Variants in AHCTF1 observed in about 807,000 individuals in gnomAD.
AHCTF1 encodes AT-hook containing transcription factor 1.
A neutral mutation model predicts 248.4 loss-of-function variants in AHCTF1; 24 were observed. The ratio of observed to expected loss-of-function variants is 0.10; its 90% CI spans 0.07 to 0.14. The LOEUF (loss-of-function observed/expected upper bound fraction) is 0.14, where lower values mean the gene tolerates loss of function less well. Among genes scored for constraint, AHCTF1 ranks in the 10% least tolerant of loss-of-function variants. The probability of loss-of-function intolerance (pLI) is 1.00; values close to 1 mark genes in which losing one functional copy is unlikely to be tolerated. For missense variants in AHCTF1, 2,206 were observed against 2,636.2 expected (o/e 0.84, Z 3.57); for synonymous variants, 786 against 929.8 (o/e 0.85, Z 2.81).
chr1:246,857,163 G>A (rs1572371157), intron 30 of AHCTF1, among the ~76,000 whole-genome samples: 1 of 152,266 alleles, frequency 6.6e-6, no homozygotes, highest in Non-Finnish European at 1.5e-5. Context: ...TCTTGTTGCA[G>A]AACATAAACT....
At chr1:246,870,464 T>C (rs1662511228) in intron 24 of AHCTF1, among the ~76,000 whole-genome samples, 1 of 152,176 alleles carries the variant, frequency 6.6e-6, no homozygotes, top group South Asian at 2.1e-4. Context: ...TGAATTGCTG[T>C]AATCTCATGA....
chr1:246,888,093 A>G, intron 19 of AHCTF1, 84 bp downstream of exon 19: 2 of 1,456,290 alleles, frequency 1.4e-6, no homozygotes, highest in Middle Eastern at 1.8e-4. Context: ...CAACCTTGCA[A>G]TTAGATATGT....
At chr1:246,860,191 G>A (rs987242121) in intron 29 of AHCTF1, among the ~76,000 whole-genome samples, 1 of 23,948 alleles carries the variant, frequency 4.2e-5, no homozygotes, top group Non-Finnish European at 6.0e-5. Flanking sequence ...ACCTGGTTGG[G>A]GGGGGGGCGG....
intron 28 of AHCTF1, among the ~76,000 whole-genome samples, chr1:246,861,719 A>G (rs1048699807): frequency 6.6e-6 from 1 of 152,240 alleles, no homozygotes; most frequent in Non-Finnish European, 1.5e-5. Flanking sequence ...CTAGCTGACT[A>G]CAGCCAACTT....
chr1:246,871,174 C>T (rs908506800), intron 24 of AHCTF1, among the ~76,000 whole-genome samples: 1 of 152,118 alleles, frequency 6.6e-6, no homozygotes, highest in Non-Finnish European at 1.5e-5. Flanking sequence ...AAAAGGCCCC[C>T]ATGTCTTAGG....
chr1:246,929,684 T>C (rs1299555572), intron 1 of AHCTF1, among the ~76,000 whole-genome samples: 1 of 152,232 alleles, frequency 6.6e-6, no homozygotes, highest in Non-Finnish European at 1.5e-5. Flanking sequence ...TTACACTTCA[T>C]TCTGGGAAGA....
rs1661507355 is a variant in AHCTF1, at chr1:246,861,053, T to C, written c.3978A>G (p.Ser1326=). The C allele has an allele frequency of 2.5e-6, 4 of 1,613,950 alleles. No homozygotes were observed. Among genetic ancestry groups the C allele is most frequent in the Non-Finnish European group, 3.4e-6 (4 of 1,179,952 alleles). Residue 1326 remains serine (S), a synonymous_variant, in exon 29 of 36, where the codon TCA becomes TCG. Coordinates refer to ENST00000648844, the MANE Select transcript of AHCTF1 (RefSeq NM_001323342.2). ...AAACAGTCTCTTCAAGGTCTTCCGG[T>C]GACGGTGCATCCTGATACTCTAAGG... ...ETTLEYQDAP[S]PEDLEETVFT...
intron 1 of AHCTF1, among the ~76,000 whole-genome samples, chr1:246,920,029 G>A (rs193243252): frequency 6.7e-6 from 1 of 149,226 alleles, no homozygotes; most frequent in African/African-American, 2.5e-5. Flanking sequence ...TGTAATTCCA[G>A]CTACTCAGGA....
intron 1 of AHCTF1, among the ~76,000 whole-genome samples, chr1:246,929,424 A>AAAATAC (rs1490841715): frequency 3.3e-5 from 5 of 151,872 alleles, no homozygotes; most frequent in African/African-American, 1.2e-4. Context: ...AATAAAAATA[A>AAAATAC]AAATAAAAAT....
rs375402511 is a variant in AHCTF1, at chr1:246,849,658, C to T, written c.6348G>A (p.Glu2116=). The T allele has an allele frequency of 3.7e-6, 6 of 1,613,474 alleles. No individual in the cohort carries two copies. In the Admixed American group the frequency reaches 6.7e-5, roughly 18 times the overall value. Residue 2116 remains glutamate (E), a synonymous_variant, in exon 33 of 36, where the codon GAG becomes GAA. Coordinates refer to ENST00000648844, the MANE Select transcript of AHCTF1 (RefSeq NM_001323342.2). ...CTTCTGACGCTGGAGAAAATAAAGGCTCATTGTTTGGTTCAGAAAGGTCCG... is the reference window on the plus strand; with the variant it reads ...CTTCTGACGCTGGAGAAAATAAAGGTTCATTGTTTGGTTCAGAAAGGTCCG... ...LLPDLSEPNN[E]PLFSPASEVP...
chr1:246,851,267 T>A lies in AHCTF1; in HGVS notation c.4739A>T (p.Glu1580Val). ...AGCCACAAAAAGTTCCCCATCTACTTCAGCAATGTCACATTCAGCAGTGTC... is the reference window on the plus strand; with the variant it reads ...AGCCACAAAAAGTTCCCCATCTACTACAGCAATGTCACATTCAGCAGTGTC... The part of the protein sequence containing the change: ...NKDTAECDIA[E>V]VDGELFVAQS... Residue 1580 changes from glutamate (E) to valine (V), a missense_variant, in exon 33 of 36, where the codon GAA (glutamate) becomes GTA (valine). Transcript: ENST00000648844. The A allele has an allele frequency of 6.2e-7, 1 of 1,613,960 alleles. No homozygotes were observed. Among genetic ancestry groups the A allele is most frequent in the Non-Finnish European group, 8.5e-7 (1 of 1,179,872 alleles).
At chr1:246,880,645 T>A (rs2642985) in intron 21 of AHCTF1, among the ~76,000 whole-genome samples, 6,289 of 151,778 alleles carry the variant, frequency 0.041, 446 homozygotes, top group African/African-American at 0.14. Context: ...AGGAGTAAGA[T>A]AAACTTAATT....
intron 21 of AHCTF1, among the ~76,000 whole-genome samples, chr1:246,883,665 T>C (rs1233548154): frequency 1.3e-5 from 2 of 152,220 alleles, no homozygotes; most frequent in African/African-American, 2.4e-5. Context: ...GGACTAGTAA[T>C]TATTTTTAAA....
intron 1 of AHCTF1, among the ~76,000 whole-genome samples, chr1:246,921,129 G>A (rs1666519078): frequency 2.0e-5 from 3 of 151,976 alleles, no homozygotes; most frequent in East Asian, 3.9e-4. Flanking sequence ...AAAAGCAGCA[G>A]AAAATACACG....
In AHCTF1 at chr1:246,899,454, C is replaced by A; in HGVS notation, c.1491G>T (p.Lys497Asn). ...GAAATCACTAGTTGTTACCTACCTC[C>A]TTCTGAAAGCCAGTACAAGTTAAAT... ...VVHLTCTGFQKETLTFLKKSG... is the reference protein window; with the variant it reads ...VVHLTCTGFQNETLTFLKKSG... The change falls in exon 11 of 36, where the codon AAG becomes AAT. Residue 497 changes from lysine to asparagine, a missense_variant. Lys to Asn is a moderately conservative substitution (Grantham distance 94). Coordinates refer to ENST00000648844, the MANE Select transcript of AHCTF1 (RefSeq NM_001323342.2). 1 of 1,605,760 alleles carries A rather than the reference C, an allele frequency of 6.2e-7. No individual in the cohort carries two copies. The highest frequency in any genetic ancestry group is 2.3e-5 in the East Asian group (1 of 44,382).
intron 7 of AHCTF1, among the ~76,000 whole-genome samples, chr1:246,902,922 G>A (rs2103178895): frequency 6.6e-6 from 1 of 152,252 alleles, no homozygotes; most frequent in East Asian, 1.9e-4. Flanking sequence ...AAGCCCTCAT[G>A]CACTACTGGT....
At position 246,931,350 on chromosome 1, in the gene AHCTF1, A is replaced by C. The variant is rs1313681367; in HGVS notation, c.-8+228T>G. 5.2e-6 allele frequency: 8 copies of C among 1,540,594 alleles called. No individual in the cohort carries two copies. In the Admixed American group the frequency reaches 1.6e-4, roughly 30 times the overall value. ...CATGTGCCGCCGCTCCTCCGGTCCG[A>C]GATTATGTAACGAAGCCCGGCGCCC... On this transcript the variant is annotated intron_variant, in intron 1 of 35. Transcript: ENST00000648844.
intron 4 of AHCTF1, among the ~76,000 whole-genome samples, chr1:246,911,838 A>T (rs1665827164): frequency 6.6e-6 from 1 of 151,216 alleles, no homozygotes; most frequent in South Asian, 2.1e-4. Flanking sequence ...GCCAAATCAA[A>T]TTTTTTCAGG....
In AHCTF1 at chr1:246,867,699, T is replaced by G. The variant is rs573351269; in HGVS notation, c.3201A>C (p.Ala1067=). Residue 1067 remains alanine (A), a synonymous_variant, in exon 25 of 36, where the codon GCA becomes GCC. Transcript: ENST00000648844. ...TGGTGCTATTTATAGGTTCTTTGCT[T>G]GCCCAAACTTCTCCAATTTTAGATA... ...NVLSKIGEVW[A]SKEPINSTTP... is the part of the protein sequence containing the mutation. 28 of 1,612,664 alleles carry G rather than the reference T, an allele frequency of 1.7e-5. No individual in the cohort carries two copies. In the East Asian group the frequency reaches 6.0e-4, roughly 35 times the overall value.
Sources: allele counts gnomAD v4.1 joint callset (sites outside exome capture counted in the v4.1 genomes callset), GRCh38; gene constraint gnomAD v4.1.1; transcripts MANE v1.5; gene names NCBI Gene and HGNC (gene_info 2026-07-23, HGNC 2026-07-21).